The following RASA3 variants were observed in gnomAD, a reference collection of about 807,000 sequenced individuals.
RASA3 encodes RAS p21 protein activator 3.
Under a neutral mutation model 110.0 loss-of-function variants are expected in RASA3, and 73 were observed. The ratio of observed to expected loss-of-function variants is 0.66; its 90% CI spans 0.55 to 0.81. The LOEUF (loss-of-function observed/expected upper bound fraction) is 0.81. RASA3 is among the 30% of genes least tolerant of loss of function. The pLI, the probability that RASA3 is intolerant of heterozygous loss-of-function variation, is 0.00. For synonymous variants in RASA3, 500 were observed against 451.4 expected, an observed-to-expected ratio of 1.11 and a Z score of -1.37; for missense variants, 976 against 1,113.2, an observed-to-expected ratio of 0.88 and a Z score of 1.75.
chr13:114,037,186 C>T (rs1049500883), intron 4 of RASA3, among the ~76,000 whole-genome samples: 1 of 152,156 alleles, frequency 6.6e-6, no homozygotes, highest in African/African-American at 2.4e-5. Context: ...TTCTTATTTA[C>T]AGCTTTGTGG....
intron 21 of RASA3, among the ~76,000 whole-genome samples, chr13:113,994,769 G>A (rs1404286344): frequency 6.6e-6 from 1 of 152,206 alleles, no homozygotes; most frequent in Non-Finnish European, 1.5e-5. Context: ...CCAGAAGTTT[G>A]AGACCAGTCT....
At chr13:114,017,803 C>A (rs2053826342) in intron 11 of RASA3, among the ~76,000 whole-genome samples, 1 of 152,194 alleles carries the variant, frequency 6.6e-6, no homozygotes, top group Admixed American at 6.5e-5. Flanking sequence ...AAGCTGTGCT[C>A]CATTTTTGTG....
chr13:114,027,146 G>A (rs939185611), intron 7 of RASA3, among the ~76,000 whole-genome samples: 2 of 152,350 alleles, frequency 1.3e-5, no homozygotes, highest in African/African-American at 4.8e-5. Flanking sequence ...GGAAGGTCCT[G>A]TGGCCACGGG....
intron 1 of RASA3, chr13:114,077,992 G>T: frequency 1.9e-4 from 176 of 903,632 alleles, no homozygotes; most frequent in Middle Eastern, 5.7e-4. Context: ...CATTGAAACA[G>T]AAAAAAAAAA....
At chr13:114,029,396 C>T (rs551654324) in intron 5 of RASA3, among the ~76,000 whole-genome samples, 1 of 29,760 alleles carries the variant, frequency 3.4e-5, no homozygotes, top group Admixed American at 2.9e-4. Flanking sequence ...TCTAAAACGA[C>T]GTCATCCTGG....
At chr13:114,063,490 C>T (rs1024475268) in intron 2 of RASA3, among the ~76,000 whole-genome samples, 14 of 151,706 alleles carry the variant, frequency 9.2e-5, no homozygotes, top group African/African-American at 2.4e-4. Context: ...AATGGAAATA[C>T]GGATAAATTT....
chr13:114,124,520 A>G (rs7324447), intron 1 of RASA3, among the ~76,000 whole-genome samples: 42,279 of 152,138 alleles, frequency 0.28, 6,065 homozygotes, highest in East Asian at 0.39. Flanking sequence ...GAACGTTTGT[A>G]ACTGTTCACT....
chr13:114,013,578 C>CTCTCTCTCTCCCTATCTCTG (rs2053696140), intron 14 of RASA3, among the ~76,000 whole-genome samples: 2 of 81,150 alleles, frequency 2.5e-5, no homozygotes, highest in Admixed American at 1.1e-4. Flanking sequence ...CTATCTCTGT[C>CTCTCTCTCTCCCTATCTCTG]TCTCTCTCTC....
At chr13:114,059,155 T>C (rs1025109385) in intron 2 of RASA3, among the ~76,000 whole-genome samples, 1 of 152,182 alleles carries the variant, frequency 6.6e-6, no homozygotes, top group African/African-American at 2.4e-5. Flanking sequence ...CCTGCCTGAG[T>C]GACAGGGCGA....
intron 23 of RASA3, among the ~76,000 whole-genome samples, chr13:113,980,768 C>A (rs371392740): frequency 5.9e-5 from 9 of 152,294 alleles, no homozygotes; most frequent in African/African-American, 1.9e-4. Context: ...GCCACAGGGA[C>A]CTGTCACTCT....
intron 2 of RASA3, among the ~76,000 whole-genome samples, chr13:114,070,656 T>G (rs9562221): frequency 0.021 from 1,574 of 74,006 alleles, 1 homozygote; most frequent in Middle Eastern, 0.085. Context: ...GCTAAACGGC[T>G]CCACAGTCTT....
intron 23 of RASA3, among the ~76,000 whole-genome samples, chr13:113,980,293 T>TCTGCCATGTATGTGCACCTC (rs2052896896): frequency 1.4e-5 from 2 of 140,714 alleles, no homozygotes; most frequent in Admixed American, 7.0e-5. Flanking sequence ...GTGTGCACCT[T>TCTGCCATGTATGTGCACCTC]CTGCCATGTA....
chr13:113,979,018 G>A lies in RASA3; in HGVS notation c.*329C>T, dbSNP rs916501410. 1.7e-5 allele frequency: 6 copies of A among 363,378 alleles called. No individual in the cohort carries two copies. The highest frequency in any genetic ancestry group is 8.2e-5 in the African/African-American group (4 of 48,492). The allele number at this position is 363,378 out of a possible 1,614,324, so 22.5% of individuals were successfully genotyped here. On this transcript the variant is annotated 3_prime_UTR_variant, in exon 24 of 24. Coordinates refer to ENST00000334062, the MANE Select transcript of RASA3 (RefSeq NM_007368.4). ...CATGTCACAGTCGACTAGACGGGCC[G>A]TGGCTCCCTGAGGCTGGCTGTGGTG...
chr13:114,059,211 G>C (rs1477336460), intron 2 of RASA3, among the ~76,000 whole-genome samples: 1 of 152,158 alleles, frequency 6.6e-6, no homozygotes, highest in Non-Finnish European at 1.5e-5. Flanking sequence ...TGCATCTTCA[G>C]AGCACAGTCC....
chr13:114,053,863 C>T (rs184322840), intron 2 of RASA3, among the ~76,000 whole-genome samples: 53 of 152,380 alleles, frequency 3.5e-4, no homozygotes, highest in African/African-American at 1.1e-3. Context: ...CTGTGGCTCA[C>T]GCCTGTAATC....
chr13:114,063,449 A>G (rs769598698), intron 2 of RASA3, among the ~76,000 whole-genome samples: 3 of 151,556 alleles, frequency 2.0e-5, no homozygotes, highest in Non-Finnish European at 4.4e-5. Context: ...CAATAATAGT[A>G]AATATTTATG....
chr13:114,007,502 G>A (rs377589424), intron 18 of RASA3, 31 bp downstream of exon 18: 1 of 1,534,444 alleles, frequency 6.5e-7, no homozygotes, highest in South Asian at 1.1e-5. Context: ...CTCCCCTCCT[G>A]CCCTGCCAGA....
intron 7 of RASA3, among the ~76,000 whole-genome samples, chr13:114,027,107 C>T (rs1233032273): frequency 1.3e-5 from 2 of 152,248 alleles, no homozygotes; most frequent in African/African-American, 2.4e-5. Context: ...CGGGAGACAA[C>T]GAATGACCTT....
At chr13:113,990,505 C>T (rs1466445946) in intron 22 of RASA3, among the ~76,000 whole-genome samples, 1 of 152,226 alleles carries the variant, frequency 6.6e-6, no homozygotes, top group African/African-American at 2.4e-5. Context: ...GGCTCCCTGA[C>T]TCTGGCCTCT....
Sources: allele counts gnomAD v4.1 joint callset (sites outside exome capture counted in the v4.1 genomes callset), GRCh38; gene constraint gnomAD v4.1.1; transcripts MANE v1.5; gene names NCBI Gene and HGNC (gene_info 2026-07-23, HGNC 2026-07-21).